BCL9: variants seen among roughly 807,000 people sequenced by gnomAD.
BCL9 encodes the protein BCL9 transcription coactivator.
Under a neutral mutation model 88.5 loss-of-function variants are expected in BCL9, and 25 were observed. The ratio of observed to expected loss-of-function variants is 0.28; its 90% CI spans 0.21 to 0.39. The LOEUF is 0.39. BCL9 is among the 10% of genes least tolerant of loss of function. The probability of loss-of-function intolerance (pLI) is 1.00; values close to 1 mark genes in which losing one functional copy is unlikely to be tolerated. For synonymous variants in BCL9, 711 were observed against 673.3 expected, an observed-to-expected ratio of 1.06 and a Z score of -0.87; for missense variants, 1,817 against 1,877.8, an observed-to-expected ratio of 0.97 and a Z score of 0.60.
intron 1 of BCL9, among the ~76,000 whole-genome samples, chr1:147,557,428 T>C (rs1292387468): frequency 2.6e-5 from 4 of 152,216 alleles, no homozygotes; most frequent in Non-Finnish European, 4.4e-5. Flanking sequence ...AAGTAAAGCA[T>C]CTTGTATTGA....
intron 1 of BCL9, among the ~76,000 whole-genome samples, chr1:147,602,494 G>A (rs894054913): frequency 2.0e-5 from 3 of 152,204 alleles, no homozygotes; most frequent in Non-Finnish European, 4.4e-5. Context: ...ACAGGTGTGA[G>A]CCACTGCGCA....
chr1:147,558,155 G>A (rs1487913011), intron 1 of BCL9, among the ~76,000 whole-genome samples: 6 of 152,056 alleles, frequency 3.9e-5, no homozygotes, highest in Non-Finnish European at 8.8e-5. Context: ...TAATAATATG[G>A]GTAGATGAAA....
chr1:147,587,475 G>T (rs895742860), intron 1 of BCL9, among the ~76,000 whole-genome samples: 2 of 152,040 alleles, frequency 1.3e-5, no homozygotes, highest in Non-Finnish European at 2.9e-5. Context: ...TTTACTCACC[G>T]TACTAGATTG....
At chr1:147,595,623 G>A (rs1553200386) in intron 1 of BCL9, among the ~76,000 whole-genome samples, 1 of 152,186 alleles carries the variant, frequency 6.6e-6, no homozygotes, top group African/African-American at 2.4e-5. Context: ...GCCAAGGTAG[G>A]AGGATTGCTT....
At chr1:147,551,895 A>G (rs984948082) in intron 1 of BCL9, among the ~76,000 whole-genome samples, 4 of 152,222 alleles carry the variant, frequency 2.6e-5, no homozygotes, top group African/African-American at 9.6e-5. Flanking sequence ...AATAATTTAA[A>G]TATGTCAAAA....
rs781920391 is a variant in BCL9 at position 147,624,443 on chromosome 1, G to C, written c.3765G>C (p.Gly1255=). 1 of 1,614,220 alleles carries C rather than the reference G, an allele frequency of 6.2e-7. No individual in the cohort carries two copies. Among genetic ancestry groups the C allele is most frequent in the Non-Finnish European group, 8.5e-7 (1 of 1,180,040 alleles). Residue 1255 remains glycine, a synonymous_variant, in exon 10 of 10, where the codon GGG becomes GGC. Coordinates refer to ENST00000234739, the MANE Select transcript of BCL9 (RefSeq NM_004326.4). This position sits in a 1 kb window ranked among gnomAD's most constrained non-coding sequence, Gnocchi z 4.4. ...PSQTLQYFPR[G]EVPGRKQPQG... is the part of the protein sequence containing the mutation. ...AGACGCTGCAATATTTCCCTCGAGG[G>C]GAAGTTCCAGGCCGTAAACAGCCCC...
chr1:147,600,165 A>T (rs1360860859), intron 1 of BCL9: 1 of 156,774 alleles, frequency 6.4e-6, no homozygotes, highest in Non-Finnish European at 1.4e-5. Context: ...AATGGAGCCT[A>T]TGTGTGCTTG....
At chr1:147,584,868 C>T (rs980978172) in intron 1 of BCL9, among the ~76,000 whole-genome samples, 23 of 152,178 alleles carry the variant, frequency 1.5e-4, no homozygotes, top group Admixed American at 1.3e-4. Flanking sequence ...AACCATGAAC[C>T]GTGGTTCTCA....
chr1:147,599,950 G>C (rs1047360588), intron 1 of BCL9, among the ~76,000 whole-genome samples: 1 of 151,542 alleles, frequency 6.6e-6, no homozygotes, highest in Admixed American at 6.6e-5. Flanking sequence ...CTTGCTGGTC[G>C]CGGGGCCGGA....
chr1:147,611,779 C>A lies in BCL9; in HGVS notation c.-58C>A. On this transcript the variant is annotated 5_prime_UTR_variant, in exon 4 of 10. Transcript: ENST00000234739. ...CCCCAGCAGCTGTTTCTGCTGCAACCCGAGAGGAACTCGGTGAGCCTGTCC... is the reference window on the plus strand; with the variant it reads ...CCCCAGCAGCTGTTTCTGCTGCAACACGAGAGGAACTCGGTGAGCCTGTCC... 1.3e-6 allele frequency: 2 copies of A among 1,566,770 alleles called. No homozygotes were observed. Among genetic ancestry groups the A allele is most frequent in the Non-Finnish European group, 1.8e-6 (2 of 1,137,278 alleles).
intron 1 of BCL9, among the ~76,000 whole-genome samples, chr1:147,588,584 G>GCTAT (rs1656719223): frequency 6.6e-6 from 1 of 152,170 alleles, no homozygotes; most frequent in African/African-American, 2.4e-5. Flanking sequence ...TCCCAGAAGT[G>GCTAT]CTATCCATGG....
At position 147,589,979 on chromosome 1, in the gene BCL9, T is replaced by C. The variant is rs150011608; in HGVS notation, c.-477-14798T>C. Among the ~76,000 whole-genome samples the C allele has an allele frequency of 7.9e-3, 1,198 of 152,328 alleles. 9 individuals are homozygous for C. Among genetic ancestry groups the C allele is most frequent in the South Asian group, 0.016 (79 of 4,830 alleles). ...CAATGCATGAAAGTGTTAGTTTCTC[T>C]CCATTCTCACCAACACTTGCCATTG... On this transcript the variant is annotated intron_variant, in intron 1 of 9. Coordinates refer to ENST00000234739, the MANE Select transcript of BCL9 (RefSeq NM_004326.4).
At position 147,619,310 on chromosome 1, in the gene BCL9, T is replaced by A; in HGVS notation, c.1155T>A (p.Ser385Arg). The stretch of plus-strand genomic sequence containing the variant: ...AGAAAGAATTCACAGGAGCACAAAG[T>A]GGGGGACCGCAGCAGAATCCTGGGG... ...PDEKEFTGAQSGGPQQNPGVL... is the reference protein window; with the variant it reads ...PDEKEFTGAQRGGPQQNPGVL... Residue 385 changes from serine to arginine, a missense_variant, in exon 8 of 10, where the codon AGT (serine) becomes AGA (arginine). Ser to Arg is a moderately radical substitution (Grantham distance 110). Transcript: ENST00000234739. The surrounding 1 kb of genome is among the most constrained non-coding windows in gnomAD (Gnocchi z 4.1). The A allele has an allele frequency of 6.2e-7, 1 of 1,613,870 alleles. No individual in the cohort carries two copies. The highest frequency in any genetic ancestry group is 1.1e-5 in the South Asian group (1 of 91,062).
intron 1 of BCL9, among the ~76,000 whole-genome samples, chr1:147,546,606 A>G (rs1654606094): frequency 6.6e-6 from 1 of 152,006 alleles, no homozygotes; most frequent in Non-Finnish European, 1.5e-5. Context: ...GCTATTCAGT[A>G]TTTTTCTGAT....
intron 1 of BCL9, among the ~76,000 whole-genome samples, chr1:147,543,564 A>G (rs1249314157): frequency 6.6e-6 from 1 of 152,210 alleles, no homozygotes; most frequent in African/African-American, 2.4e-5. Context: ...ATGCATATAT[A>G]TATCTGAAAA....
intron 3 of BCL9, among the ~76,000 whole-genome samples, chr1:147,610,426 G>A (rs1657935972): frequency 6.6e-6 from 1 of 152,144 alleles, no homozygotes; most frequent in South Asian, 2.1e-4. Context: ...TCTAAATGAA[G>A]AAATAGACCT....
chr1:147,559,568 C>G (rs1232262225), intron 1 of BCL9, among the ~76,000 whole-genome samples: 1 of 152,222 alleles, frequency 6.6e-6, no homozygotes, highest in Non-Finnish European at 1.5e-5. Flanking sequence ...CCCAAACTTT[C>G]ATGTCCCTTC....
At chr1:147,571,343 C>T (rs1484484485) in intron 1 of BCL9, among the ~76,000 whole-genome samples, 1 of 152,148 alleles carries the variant, frequency 6.6e-6, no homozygotes, top group African/African-American at 2.4e-5. Context: ...TTCTGGCCAA[C>T]CATCACTGAT....
chr1:147,587,948 G>A (rs587622121), intron 1 of BCL9, among the ~76,000 whole-genome samples: 46 of 152,232 alleles, frequency 3.0e-4, no homozygotes, highest in African/African-American at 1.1e-3. Flanking sequence ...ACAAAAATAG[G>A]TTATAATGAA....
Sources: allele counts gnomAD v4.1 joint callset (sites outside exome capture counted in the v4.1 genomes callset), GRCh38; gene constraint gnomAD v4.1.1; non-coding constraint Gnocchi (gnomAD v3.1); transcripts MANE v1.5; gene names NCBI Gene and HGNC (gene_info 2026-07-23, HGNC 2026-07-21).